CGNL1: variants seen among roughly 807,000 people sequenced by gnomAD.
The protein encoded by CGNL1 is cingulin like 1.
Under a neutral mutation model 141.2 loss-of-function variants are expected in CGNL1, and 132 were observed. The observed-to-expected ratio is 0.93, with a 90% CI of 0.81 to 1.08. CGNL1 has a LOEUF of 1.08. Ranked by LOEUF, CGNL1 falls within the 50% of genes least tolerant of loss-of-function variation. The pLI is 0.00. For missense variants in CGNL1, 1,870 were observed against 1,588.6 expected (o/e 1.18, Z -3.01); for synonymous variants, 690 against 622.1 (o/e 1.11, Z -1.63).
chr15:57,467,493 CAG>C (rs1423741773), intron 8 of CGNL1, among the ~76,000 whole-genome samples: 39 of 152,180 alleles, frequency 2.6e-4, no homozygotes, highest in African/African-American at 9.4e-4. Flanking sequence ...GCTACAGATT[CAG>C]AGACTTAAGG....
intron 1 of CGNL1, among the ~76,000 whole-genome samples, chr15:57,404,541 A>T (rs2062694353): frequency 6.6e-6 from 1 of 152,242 alleles, no homozygotes; most frequent in South Asian, 2.1e-4. Flanking sequence ...GCATTTTCAC[A>T]TAAAAATGCT....
intron 8 of CGNL1, among the ~76,000 whole-genome samples, chr15:57,481,625 A>G (rs937493964): frequency 6.6e-6 from 1 of 152,192 alleles, no homozygotes; most frequent in Non-Finnish European, 1.5e-5. Flanking sequence ...GTTTTGTACT[A>G]TTATAATAAA....
chr15:57,488,244 G>A (rs1275011379), intron 8 of CGNL1, among the ~76,000 whole-genome samples: 14 of 151,834 alleles, frequency 9.2e-5, no homozygotes, highest in Admixed American at 3.3e-4. Flanking sequence ...TTTTAAAATT[G>A]GGTTGTCTTT....
chr15:57,415,655 C>A (rs754030942), intron 1 of CGNL1, among the ~76,000 whole-genome samples: 2 of 152,196 alleles, frequency 1.3e-5, no homozygotes, highest in Non-Finnish European at 2.9e-5. Flanking sequence ...TATCTCTGAG[C>A]CCCATTTGGA....
chr15:57,539,275 C>T (rs1455326996), intron 14 of CGNL1, among the ~76,000 whole-genome samples: 1 of 152,106 alleles, frequency 6.6e-6, no homozygotes, highest in African/African-American at 2.4e-5. Context: ...TTGCCTCTAC[C>T]TTCCCTTTGA....
chr15:57,481,536 C>A (rs1230698587), intron 8 of CGNL1, among the ~76,000 whole-genome samples: 1 of 152,162 alleles, frequency 6.6e-6, no homozygotes, highest in Admixed American at 6.5e-5. Context: ...CTTTTTATTG[C>A]TCAGTGGTAT....
At chr15:57,456,045 C>T (rs1400430545) in intron 7 of CGNL1, among the ~76,000 whole-genome samples, 2 of 152,104 alleles carry the variant, frequency 1.3e-5, no homozygotes, top group African/African-American at 2.4e-5. Flanking sequence ...AGAAAATCAC[C>T]CTCTGTTTTT....
At position 57,377,961 on chromosome 15, in the gene CGNL1, C is replaced by G. The variant is rs1043793808; in HGVS notation, c.-16+1394C>G. On this transcript the variant is annotated intron_variant, in intron 1 of 18. Coordinates refer to ENST00000281282, the MANE Select transcript of CGNL1 (RefSeq NM_032866.5). ...TCCTTCAAAAAGCCAAAGCTAACAA[C>G]ATCCTTAAGGTTTTGTGGTTGATAT... Among the ~76,000 whole-genome samples, 4 of 152,338 alleles carry G rather than the reference C, an allele frequency of 2.6e-5. No homozygotes were observed. In the South Asian group the frequency reaches 8.3e-4, roughly 32 times the overall value.
chr15:57,536,299 G>A (rs973136392), intron 14 of CGNL1, among the ~76,000 whole-genome samples: 1 of 152,200 alleles, frequency 6.6e-6, no homozygotes, highest in Non-Finnish European at 1.5e-5. Context: ...AATTCAAGAT[G>A]AGATTTGGGT....
chr15:57,489,577 T>A (rs1275940248), intron 8 of CGNL1, among the ~76,000 whole-genome samples: 3 of 152,240 alleles, frequency 2.0e-5, no homozygotes, highest in Admixed American at 1.3e-4. Context: ...TCATTTTGAA[T>A]TAAATTTTGA....
At chr15:57,472,385 G>T (rs2063593225) in intron 8 of CGNL1, among the ~76,000 whole-genome samples, 1 of 152,184 alleles carries the variant, frequency 6.6e-6, no homozygotes, top group South Asian at 2.1e-4. Context: ...CATGCAGCCT[G>T]TATGGAGCAT....
In CGNL1 at chr15:57,453,493, T is replaced by G. The variant is rs570402048; in HGVS notation, c.2055-190T>G. Among the ~76,000 whole-genome samples, 3 of 152,318 alleles carry G rather than the reference T, an allele frequency of 2.0e-5. No individual in the cohort carries two copies. In the East Asian group the frequency reaches 5.8e-4, roughly 29 times the overall value. ...TCTCATTTATCCTCTTGTAAGCAAT[T>G]AGACCATAGCCTAAGTTCTTCTCAG... On this transcript the variant is annotated intron_variant, in intron 6 of 18. Transcript: ENST00000281282.
At chr15:57,400,503 A>G (rs1419694557) in intron 1 of CGNL1, among the ~76,000 whole-genome samples, 1 of 152,122 alleles carries the variant, frequency 6.6e-6, no homozygotes, top group East Asian at 1.9e-4. Flanking sequence ...TAAAAAGAAA[A>G]TGGTGGGCTT....
intron 8 of CGNL1, among the ~76,000 whole-genome samples, chr15:57,487,908 T>C (rs1161403068): frequency 2.0e-5 from 3 of 152,186 alleles, no homozygotes; most frequent in African/African-American, 7.2e-5. Flanking sequence ...TGGACGGACG[T>C]TTTCATTTCT....
intron 1 of CGNL1, among the ~76,000 whole-genome samples, chr15:57,426,226 C>A (rs879543394): frequency 6.6e-6 from 1 of 152,072 alleles, no homozygotes; most frequent in Non-Finnish European, 1.5e-5. Flanking sequence ...CTCACTGCAA[C>A]CTCTGCCTCC....
intron 8 of CGNL1, among the ~76,000 whole-genome samples, chr15:57,473,429 T>C (rs960955950): frequency 1.3e-5 from 2 of 152,216 alleles, no homozygotes; most frequent in African/African-American, 4.8e-5. Context: ...CAGGAATACC[T>C]ACAGTGGCAA....
At chr15:57,381,094 G>C (rs2062419266) in intron 1 of CGNL1, among the ~76,000 whole-genome samples, 2 of 152,024 alleles carry the variant, frequency 1.3e-5, no homozygotes, top group Non-Finnish European at 2.9e-5. Context: ...ATAACCTCAT[G>C]GTTATAATAG....
chr15:57,393,447 G>T (rs1217197901), intron 1 of CGNL1, among the ~76,000 whole-genome samples: 1 of 152,202 alleles, frequency 6.6e-6, no homozygotes, highest in African/African-American at 2.4e-5. Context: ...CTCCTCAAAT[G>T]TGCAGTGGAA....
At chr15:57,446,732 T>C (rs985199414) in intron 4 of CGNL1, among the ~76,000 whole-genome samples, 1 of 151,052 alleles carries the variant, frequency 6.6e-6, no homozygotes, top group Non-Finnish European at 1.5e-5. Flanking sequence ...GAGAGTATAA[T>C]TTGTGGGTTG....
Sources: allele counts gnomAD v4.1 joint callset (sites outside exome capture counted in the v4.1 genomes callset), GRCh38; gene constraint gnomAD v4.1.1; transcripts MANE v1.5; gene names NCBI Gene and HGNC (gene_info 2026-07-23, HGNC 2026-07-21).